Variants in WSCD2 observed in about 807,000 individuals in gnomAD.
The protein encoded by WSCD2 is sialate:O-sulfotransferase 2.
WSCD2 carries 28 observed loss-of-function variants against 55.7 expected under a neutral mutation model. The observed-to-expected ratio is 0.50, with a 90% CI of 0.37 to 0.69. WSCD2 has a LOEUF of 0.69. Ranked by LOEUF, WSCD2 falls within the 30% of genes least tolerant of loss-of-function variation. The pLI, the probability that WSCD2 is intolerant of heterozygous loss-of-function variation, is 0.00. For missense variants in WSCD2, 616 were observed against 762.1 expected (o/e 0.81, Z 2.26); for synonymous variants, 301 against 301.9 (o/e 1.00, Z 0.03).
chr12:108,231,193 C>T (rs1888710041), intron 6 of WSCD2, among the ~76,000 whole-genome samples: 2 of 152,046 alleles, frequency 1.3e-5, no homozygotes, highest in Admixed American at 6.5e-5. Flanking sequence ...GCCTGCCTTC[C>T]CTTGGATGAT....
chr12:108,211,674 G>A (rs1000098806), intron 4 of WSCD2, among the ~76,000 whole-genome samples: 19 of 144,042 alleles, frequency 1.3e-4, no homozygotes, highest in African/African-American at 4.7e-4. Context: ...TATTTTTTGA[G>A]ACAGAGCCTC....
chr12:108,241,179 C>T (rs551319300), intron 8 of WSCD2, among the ~76,000 whole-genome samples: 2 of 152,276 alleles, frequency 1.3e-5, no homozygotes, highest in South Asian at 4.2e-4. Flanking sequence ...TGCCCTGCAT[C>T]ACACAGCTGG....
chr12:108,233,874 T>G (rs1440874943), intron 7 of WSCD2, among the ~76,000 whole-genome samples: 1 of 152,226 alleles, frequency 6.6e-6, no homozygotes, highest in Non-Finnish European at 1.5e-5. Context: ...TGCATCTACA[T>G]GTGGAGCAGC....
intron 4 of WSCD2, among the ~76,000 whole-genome samples, chr12:108,214,858 A>G (rs1886642192): frequency 6.6e-6 from 1 of 152,210 alleles, no homozygotes; most frequent in Non-Finnish European, 1.5e-5. Context: ...AATTTTTTAC[A>G]TGGTGGTTTT....
At chr12:108,140,040 C>T (rs1876620280) in intron 1 of WSCD2, among the ~76,000 whole-genome samples, 2 of 152,138 alleles carry the variant, frequency 1.3e-5, no homozygotes, top group Non-Finnish European at 2.9e-5. Context: ...GTGAAGATGA[C>T]GTGACCTTAT....
At chr12:108,170,871 G>A (rs1292741530) in intron 1 of WSCD2, among the ~76,000 whole-genome samples, 1 of 152,168 alleles carries the variant, frequency 6.6e-6, no homozygotes, top group African/African-American at 2.4e-5. Flanking sequence ...TCAGTCCTGT[G>A]GGCTTGCAGA....
chr12:108,229,726 T>C (rs1338284236), intron 6 of WSCD2, among the ~76,000 whole-genome samples: 1 of 152,316 alleles, frequency 6.6e-6, no homozygotes, highest in East Asian at 1.9e-4. Flanking sequence ...ACTTTCTTTA[T>C]AGCATTGAAA....
chr12:108,218,291 T>C (rs1308514115), intron 4 of WSCD2, among the ~76,000 whole-genome samples: 1 of 152,148 alleles, frequency 6.6e-6, no homozygotes, highest in African/African-American at 2.4e-5. Context: ...AGATGCTGAG[T>C]TCCAGAGAGG....
At chr12:108,184,524 G>T (rs906816991) in intron 1 of WSCD2, among the ~76,000 whole-genome samples, 1 of 152,214 alleles carries the variant, frequency 6.6e-6, no homozygotes, top group Non-Finnish European at 1.5e-5. Flanking sequence ...GTTTGCGGCT[G>T]GGAGCAATGG....
At chr12:108,148,669 T>C (rs928231344) in intron 1 of WSCD2, among the ~76,000 whole-genome samples, 3 of 152,092 alleles carry the variant, frequency 2.0e-5, no homozygotes, top group African/African-American at 7.2e-5. Flanking sequence ...TAATGAGTGG[T>C]AGAACCAGGC....
chr12:108,210,293 T>TA lies in WSCD2; in HGVS notation c.670_671insA (p.Ser224TyrfsTer44). On this transcript the variant is annotated frameshift_variant, in exon 4 of 9. Transcript: ENST00000547525. LOFTEE classifies it high-confidence loss of function. This position sits in a 1 kb window ranked among gnomAD's most constrained non-coding sequence, Gnocchi z 4.3. ...CTACCGGCTGCAGCTGGCCCAGGAG[T>TA]CGGCCCGCAGGTGTACGTGAGTCTG... is the stretch of plus-strand genomic sequence containing the variant. 1 of 1,587,164 alleles carries TA rather than the reference T, an allele frequency of 6.3e-7. No individual in the cohort carries two copies. Among genetic ancestry groups the TA allele is most frequent in the South Asian group, 1.1e-5 (1 of 88,482 alleles).
chr12:108,176,937 GT>G (rs1429808507), intron 1 of WSCD2, among the ~76,000 whole-genome samples: 1 of 152,200 alleles, frequency 6.6e-6, no homozygotes, highest in Non-Finnish European at 1.5e-5. Context: ...AATCAGGTGT[GT>G]GGTGGCATCT....
intron 1 of WSCD2, among the ~76,000 whole-genome samples, chr12:108,179,266 G>C (rs12308029): frequency 6.6e-6 from 1 of 151,548 alleles, no homozygotes; most frequent in Non-Finnish European, 1.5e-5. Context: ...GCGGGGGAGG[G>C]GGGGCAGAGG....
At chr12:108,198,479 A>G (rs1264598717) in intron 2 of WSCD2, among the ~76,000 whole-genome samples, 1 of 152,112 alleles carries the variant, frequency 6.6e-6, no homozygotes, top group Non-Finnish European at 1.5e-5. Flanking sequence ...GCAATTGTGT[A>G]TGTTTGTCCA....
At chr12:108,209,153 G>C (rs1432283420) in intron 3 of WSCD2, among the ~76,000 whole-genome samples, 1 of 152,126 alleles carries the variant, frequency 6.6e-6, no homozygotes, top group African/African-American at 2.4e-5. Context: ...TTTTAGGAAA[G>C]GATTCCATCA....
intron 1 of WSCD2, among the ~76,000 whole-genome samples, chr12:108,191,381 GGA>G (rs2137032732): frequency 6.6e-6 from 1 of 152,322 alleles, no homozygotes; most frequent in South Asian, 2.1e-4. Flanking sequence ...AGACAGAGAT[GGA>G]GAGAGAGGCA....
rs139515982 is a variant in WSCD2, at chr12:108,160,020, C to T, written c.-552+30094C>T. 2.1e-3 allele frequency among the ~76,000 whole-genome samples: 319 copies of T among 152,270 alleles called. 1 individual carries two copies. The highest frequency in any genetic ancestry group is 7.3e-3 in the African/African-American group (303 of 41,546). On this transcript the variant is annotated intron_variant, in intron 1 of 8. Transcript: ENST00000547525. Reference sequence around the variant, plus strand: ...AGATATTAGACACGGTATGATAGCACGAGAGCCATGTTACATTCGTTACAG... The same window carrying T: ...AGATATTAGACACGGTATGATAGCATGAGAGCCATGTTACATTCGTTACAG...
intron 1 of WSCD2, among the ~76,000 whole-genome samples, chr12:108,161,626 G>A (rs1319795191): frequency 3.3e-5 from 5 of 152,232 alleles, no homozygotes; most frequent in Non-Finnish European, 7.3e-5. Context: ...TCCAGAACCA[G>A]GAGAGAATAA....
intron 1 of WSCD2, among the ~76,000 whole-genome samples, chr12:108,191,154 T>A (rs1212432781): frequency 6.6e-6 from 1 of 152,254 alleles, no homozygotes; most frequent in Admixed American, 6.5e-5. Context: ...ACACATTATC[T>A]GTGGATTGTG....
Sources: gnomAD v4.1 joint callset for allele counts (sites outside exome capture counted in the v4.1 genomes callset) on GRCh38, gnomAD v4.1.1 for gene constraint, Gnocchi (gnomAD v3.1) non-coding constraint, MANE v1.5 for transcripts, NCBI Gene and HGNC (gene_info 2026-07-23, HGNC 2026-07-21) for gene names.